The following GPR39 variants were observed in gnomAD, a reference collection of about 807,000 sequenced individuals.
The protein encoded by GPR39 is G protein-coupled receptor 39.
In GPR39, 23 loss-of-function variants were observed where a neutral mutation model predicts 18.4. That is an observed-to-expected ratio of 1.25 (90% CI 0.90 to 1.77). The LOEUF (loss-of-function observed/expected upper bound fraction) is 1.77, where lower values mean the gene tolerates loss of function less well. GPR39 is among the 40% of genes most tolerant of loss of function. The probability of loss-of-function intolerance (pLI) is 0.00; values close to 1 mark genes in which losing one functional copy is unlikely to be tolerated. For missense variants in GPR39, 647 were observed against 602.4 expected (o/e 1.07, Z -0.78); for synonymous variants, 280 against 257.9 (o/e 1.09, Z -0.82).
chr2:132,488,264 A>G (rs1681383376), intron 1 of GPR39, among the ~76,000 whole-genome samples: 1 of 152,248 alleles, frequency 6.6e-6, no homozygotes, highest in Admixed American at 6.5e-5. Context: ...TTGACCAGAT[A>G]TAAAACAATT....
chr2:132,491,063 A>G (rs577606933), intron 1 of GPR39, among the ~76,000 whole-genome samples: 18 of 152,326 alleles, frequency 1.2e-4, no homozygotes, highest in Admixed American at 3.3e-4. Context: ...CCCTAAATTA[A>G]TCTCTTTTTT....
At chr2:132,532,916 T>C (rs10928426) in intron 1 of GPR39, among the ~76,000 whole-genome samples, 43,243 of 151,920 alleles carry the variant, frequency 0.28, 6,957 homozygotes, top group East Asian at 0.7. Context: ...ACTGGAAGCA[T>C]TCCCTTTGAA....
At chr2:132,527,889 T>C (rs1007740438) in intron 1 of GPR39, among the ~76,000 whole-genome samples, 30 of 151,448 alleles carry the variant, frequency 2.0e-4, no homozygotes, top group Middle Eastern at 3.4e-3. Context: ...GATGATAGTT[T>C]TTTTTGTTTT....
intron 1 of GPR39, among the ~76,000 whole-genome samples, chr2:132,557,308 A>C (rs1680170531): frequency 6.6e-6 from 1 of 151,904 alleles, no homozygotes; most frequent in African/African-American, 2.4e-5. Flanking sequence ...ACAGAATGAG[A>C]CTCCATCTCA....
Position 132,441,637 on chromosome 2 carries a change from C to T in GPR39, c.856+23739C>T, listed in dbSNP as rs1346959417. On this transcript the variant is annotated intron_variant, in intron 1 of 1. Transcript: ENST00000329321. Reference sequence around the variant, plus strand: ...CTTGACTTCTTTTTCTTTTTCTTCCCCTTCTCTATCACACCGAAGCTTCCA... The same window carrying T: ...CTTGACTTCTTTTTCTTTTTCTTCCTCTTCTCTATCACACCGAAGCTTCCA... 2.0e-5 allele frequency among the ~76,000 whole-genome samples: 3 copies of T among 152,132 alleles called. No individual in the cohort carries two copies. In the East Asian group the frequency reaches 5.8e-4, roughly 29 times the overall value.
At chr2:132,574,365 T>A (rs1680495324) in intron 1 of GPR39, among the ~76,000 whole-genome samples, 1 of 152,250 alleles carries the variant, frequency 6.6e-6, no homozygotes, top group South Asian at 2.1e-4. Flanking sequence ...CATTTGTATT[T>A]CAACTTCTAA....
At chr2:132,500,812 T>G (rs1364143268) in intron 1 of GPR39, among the ~76,000 whole-genome samples, 6 of 152,146 alleles carry the variant, frequency 3.9e-5, no homozygotes, top group Non-Finnish European at 8.8e-5. Context: ...CTAGGAGGGT[T>G]GTATACTTCT....
At chr2:132,430,522 A>G (rs1367591985) in intron 1 of GPR39, among the ~76,000 whole-genome samples, 2 of 152,214 alleles carry the variant, frequency 1.3e-5, no homozygotes, top group Non-Finnish European at 2.9e-5. Flanking sequence ...GGCTAAATAA[A>G]GAACCAGATT....
At chr2:132,502,876 C>T (rs1465723120) in intron 1 of GPR39, among the ~76,000 whole-genome samples, 1 of 152,110 alleles carries the variant, frequency 6.6e-6, no homozygotes, top group Admixed American at 6.5e-5. Context: ...TTTTCTAGTG[C>T]ATTTTTTATT....
chr2:132,570,440 C>T (rs989160417), intron 1 of GPR39, among the ~76,000 whole-genome samples: 2 of 152,122 alleles, frequency 1.3e-5, no homozygotes, highest in African/African-American at 4.8e-5. Context: ...TACTTCTAGT[C>T]CATAATTCCA....
intron 1 of GPR39, among the ~76,000 whole-genome samples, chr2:132,475,459 G>A (rs59957983): frequency 0.1 from 15,471 of 151,828 alleles, 2,646 homozygotes; most frequent in African/African-American, 0.35. Flanking sequence ...ATATCAGTAC[G>A]TGATCTTTCG....
intron 1 of GPR39, among the ~76,000 whole-genome samples, chr2:132,453,236 G>C (rs533185055): frequency 5.9e-5 from 9 of 152,302 alleles, no homozygotes; most frequent in South Asian, 4.1e-4. Context: ...GACCAGTGAT[G>C]ATGAGCATTT....
At chr2:132,641,502 C>T (rs1057491127) in intron 1 of GPR39, among the ~76,000 whole-genome samples, 3 of 152,056 alleles carry the variant, frequency 2.0e-5, no homozygotes, top group Non-Finnish European at 4.4e-5. Flanking sequence ...GGGTGCTGTC[C>T]AATACTGTAG....
At chr2:132,529,707 T>A (rs1025392413) in intron 1 of GPR39, among the ~76,000 whole-genome samples, 4 of 152,204 alleles carry the variant, frequency 2.6e-5, no homozygotes, top group African/African-American at 9.6e-5. Context: ...ATATCGGCTG[T>A]TCTGCAGCCA....
rs112633940 is a variant in GPR39, at chr2:132,623,885, T to C, written c.857-21216T>C. On this transcript the variant is annotated intron_variant, in intron 1 of 1. Coordinates refer to ENST00000329321, the MANE Select transcript of GPR39 (RefSeq NM_001508.3). ...AATGATGGGAAAGCCAGAAGCAGCC[T>C]GGAGCTGATGCTCCAGGGTAGAGGA... 8.9e-3 allele frequency among the ~76,000 whole-genome samples: 1,362 copies of C among 152,284 alleles called. 10 individuals carry two copies. Among genetic ancestry groups the C allele is most frequent in the Middle Eastern group, 0.034 (10 of 294 alleles).
Position 132,587,410 on chromosome 2 carries a change from C to T in GPR39, c.857-57691C>T, listed in dbSNP as rs140390597. ...GAACAACTGCCTCTTGGAGCTGGGG[C>T]CAGTGTTAGTGTTAAGGTCCTTCAT... On this transcript the variant is annotated intron_variant, in intron 1 of 1. Transcript: ENST00000329321. 5.9e-5 allele frequency among the ~76,000 whole-genome samples: 9 copies of T among 152,220 alleles called. No homozygotes were observed. In the East Asian group the frequency reaches 1.7e-3, roughly 29 times the overall value.
intron 1 of GPR39, among the ~76,000 whole-genome samples, chr2:132,488,307 G>A (rs1452470996): frequency 1.3e-5 from 2 of 151,926 alleles, no homozygotes; most frequent in Non-Finnish European, 2.9e-5. Context: ...GAGAAAAACC[G>A]AGCTTTTCAA....
chr2:132,628,764 C>T (rs866366713), intron 1 of GPR39, among the ~76,000 whole-genome samples: 9 of 151,272 alleles, frequency 5.9e-5, no homozygotes, highest in African/African-American at 9.7e-5. Flanking sequence ...CATAGTAATA[C>T]GTGTGTGTGT....
intron 1 of GPR39, among the ~76,000 whole-genome samples, chr2:132,590,921 G>A (rs1358558364): frequency 6.6e-6 from 1 of 151,844 alleles, no homozygotes; most frequent in Non-Finnish European, 1.5e-5. Context: ...ACCTGGGTGG[G>A]CACCATCTAA....
Sources: gnomAD v4.1 joint callset for allele counts (sites outside exome capture counted in the v4.1 genomes callset) on GRCh38, gnomAD v4.1.1 for gene constraint, MANE v1.5 for transcripts, NCBI Gene and HGNC (gene_info 2026-07-23, HGNC 2026-07-21) for gene names.